Variants in RALGAPA1 observed in about 807,000 individuals in gnomAD.
The protein encoded by RALGAPA1 is ral GTPase-activating protein subunit alpha-1.
In RALGAPA1, 52 loss-of-function variants were observed where a neutral mutation model predicts 269.6. The ratio of observed to expected loss-of-function variants is 0.19; its 90% CI spans 0.15 to 0.24. The LOEUF (loss-of-function observed/expected upper bound fraction) is 0.24, where lower values mean the gene tolerates loss of function less well. Among genes scored for constraint, RALGAPA1 ranks in the 10% least tolerant of loss-of-function variants. The probability of loss-of-function intolerance (pLI) is 1.00; values close to 1 mark genes in which losing one functional copy is unlikely to be tolerated. For missense variants in RALGAPA1, 1,917 were observed against 3,013.9 expected (o/e 0.64, Z 8.52); for synonymous variants, 817 against 1,008.3 (o/e 0.81, Z 3.60).
intron 16 of RALGAPA1, among the ~76,000 whole-genome samples, chr14:35,700,897 T>C (rs1340900587): frequency 6.6e-6 from 1 of 152,186 alleles, no homozygotes; most frequent in Non-Finnish European, 1.5e-5. Flanking sequence ...ATCAAATCAG[T>C]ATCTTTTATA....
chr14:35,740,650 A>G (rs2071461057), intron 11 of RALGAPA1, among the ~76,000 whole-genome samples: 1 of 152,112 alleles, frequency 6.6e-6, no homozygotes, highest in Admixed American at 6.6e-5. Context: ...TATTAAAAAT[A>G]CAAAAAAATT....
chr14:35,606,547 A>G (rs922136111), intron 35 of RALGAPA1, among the ~76,000 whole-genome samples: 12 of 152,334 alleles, frequency 7.9e-5, no homozygotes, highest in Admixed American at 4.6e-4. Flanking sequence ...ATGGAGTAAT[A>G]GCCAAGTTCT....
At chr14:35,719,306 A>G (rs1417903897) in intron 16 of RALGAPA1, among the ~76,000 whole-genome samples, 7 of 152,122 alleles carry the variant, frequency 4.6e-5, no homozygotes, top group Non-Finnish European at 1.0e-4. Context: ...AGTTTGGGTG[A>G]CTGTCTCAGA....
chr14:35,620,140 C>T (rs1266401139), intron 35 of RALGAPA1, among the ~76,000 whole-genome samples: 1 of 152,176 alleles, frequency 6.6e-6, no homozygotes, highest in African/African-American at 2.4e-5. Context: ...AATCCAGCAG[C>T]ACGTCAAAAA....
At chr14:35,770,478 T>A (rs76810422) in intron 4 of RALGAPA1, among the ~76,000 whole-genome samples, 13,941 of 151,660 alleles carry the variant, frequency 0.092, 837 homozygotes, top group Non-Finnish European at 0.13. Flanking sequence ...AAAGTAACTG[T>A]ACTCATTCAC....
chr14:35,624,334 C>T (rs1023323572), intron 35 of RALGAPA1, among the ~76,000 whole-genome samples: 45 of 150,922 alleles, frequency 3.0e-4, no homozygotes, highest in African/African-American at 1.0e-3. Flanking sequence ...ACAACCAAAA[C>T]CAGTTAGAAA....
At chr14:35,631,372 T>C (rs1466030336) in intron 33 of RALGAPA1, among the ~76,000 whole-genome samples, 1 of 152,018 alleles carries the variant, frequency 6.6e-6, no homozygotes, top group Non-Finnish European at 1.5e-5. Context: ...GTATAAGAAC[T>C]TCAAAAAAGT....
At chr14:35,655,467 C>T (rs1254227129) in intron 29 of RALGAPA1, among the ~76,000 whole-genome samples, 1 of 151,390 alleles carries the variant, frequency 6.6e-6, no homozygotes, top group Non-Finnish European at 1.5e-5. Context: ...TAATAAAGAT[C>T]AAAGAACAGT....
At chr14:35,616,228 C>A (rs1331617991) in intron 35 of RALGAPA1, among the ~76,000 whole-genome samples, 1 of 151,682 alleles carries the variant, frequency 6.6e-6, no homozygotes, top group African/African-American at 2.4e-5. Flanking sequence ...AGAAATGTGA[C>A]CTAGAAATGA....
chr14:35,598,481 G>A (rs866402784), intron 36 of RALGAPA1, among the ~76,000 whole-genome samples: 11 of 151,830 alleles, frequency 7.2e-5, no homozygotes, highest in South Asian at 2.1e-4. Context: ...GTGCAGTGGC[G>A]TGATCTTGGC....
At chr14:35,742,015 T>C (rs911699421) in intron 11 of RALGAPA1, among the ~76,000 whole-genome samples, 3 of 152,230 alleles carry the variant, frequency 2.0e-5, no homozygotes, top group African/African-American at 7.2e-5. Flanking sequence ...AAGGAGGAAC[T>C]GTGGTTTGGT....
chr14:35,677,700 AC>A (rs2065067143), intron 22 of RALGAPA1: 1 of 405,168 alleles, frequency 2.5e-6, no homozygotes, highest in African/African-American at 2.1e-5. Context: ...AAATGATAAT[AC>A]AATACTTGAA....
chr14:35,775,784 T>G, intron 1 of RALGAPA1, 39 bp from the exon 2 acceptor site: 1 of 1,469,214 alleles, frequency 6.8e-7, no homozygotes, highest in Non-Finnish European at 9.0e-7. Context: ...TTTACATGTA[T>G]GTTAAATCAA....
intron 17 of RALGAPA1, among the ~76,000 whole-genome samples, chr14:35,694,128 G>C (rs112033408): frequency 3.3e-5 from 5 of 151,674 alleles, no homozygotes; most frequent in Admixed American, 3.3e-4. Context: ...TAAAAAGCAA[G>C]TTAGTTACTC....
intron 1 of RALGAPA1, among the ~76,000 whole-genome samples, chr14:35,794,016 A>G (rs532470238): frequency 1.2e-3 from 182 of 152,350 alleles, no homozygotes; most frequent in African/African-American, 3.9e-3. Flanking sequence ...AAGTAAATCA[A>G]TTCTTCATAA....
chr14:35,802,902 G>A (rs1253711745), intron 1 of RALGAPA1, among the ~76,000 whole-genome samples: 1 of 151,730 alleles, frequency 6.6e-6, no homozygotes, highest in East Asian at 1.9e-4. Flanking sequence ...TGTCCAAGCT[G>A]GTCTCAAACT....
chr14:35,572,535 A>T, intron 38 of RALGAPA1, 25 bp downstream of exon 38: 2 of 1,562,746 alleles, frequency 1.3e-6, no homozygotes, highest in Non-Finnish European at 1.7e-6. Flanking sequence ...ATCTATTACT[A>T]AAATGGAAGA....
intron 30 of RALGAPA1, among the ~76,000 whole-genome samples, chr14:35,653,348 A>G (rs1185622529): frequency 6.6e-6 from 1 of 152,244 alleles, no homozygotes; most frequent in Non-Finnish European, 1.5e-5. Flanking sequence ...GAAGATAAGA[A>G]TGATAAATTC....
intron 1 of RALGAPA1, among the ~76,000 whole-genome samples, chr14:35,783,482 A>C (rs1455802354): frequency 1.3e-5 from 2 of 152,138 alleles, no homozygotes; most frequent in African/African-American, 2.4e-5. Context: ...AAAATTATAA[A>C]ACTCAGAAGA....
Sources: allele counts gnomAD v4.1 joint callset (sites outside exome capture counted in the v4.1 genomes callset), GRCh38; gene constraint gnomAD v4.1.1; transcripts MANE v1.5; gene names NCBI Gene and HGNC (gene_info 2026-07-23, HGNC 2026-07-21).